The following HSPA12A variants were observed in gnomAD, a reference collection of about 807,000 sequenced individuals.
HSPA12A encodes the protein heat shock protein family A (Hsp70) member 12A.
In HSPA12A, 28 loss-of-function variants were observed where a neutral mutation model predicts 69.2. The ratio of observed to expected loss-of-function variants is 0.40; its 90% CI spans 0.30 to 0.55. The LOEUF is 0.55. HSPA12A is among the 20% of genes least tolerant of loss of function. The pLI, the probability that HSPA12A is intolerant of heterozygous loss-of-function variation, is 0.38. For synonymous variants in HSPA12A, 345 were observed against 370.5 expected, an observed-to-expected ratio of 0.93 and a Z score of 0.79; for missense variants, 686 against 900.7, an observed-to-expected ratio of 0.76 and a Z score of 3.05.
At chr10:116,766,015 T>A (rs1638410) in intron 2 of HSPA12A, among the ~76,000 whole-genome samples, 1 of 152,062 alleles carries the variant, frequency 6.6e-6, no homozygotes, top group Non-Finnish European at 1.5e-5. Flanking sequence ...CCACCCTTCA[T>A]GCAACCAGGT....
At chr10:116,683,033 AC>A (rs1849467286) in intron 7 of HSPA12A, among the ~76,000 whole-genome samples, 1 of 151,514 alleles carries the variant, frequency 6.6e-6, no homozygotes, top group East Asian at 1.9e-4. Context: ...CCTGAAATTA[AC>A]CCTTAGACCT....
chr10:116,809,986 G>A (rs1000404077), intron 2 of HSPA12A, among the ~76,000 whole-genome samples: 14 of 152,164 alleles, frequency 9.2e-5, no homozygotes, highest in African/African-American at 3.1e-4. Context: ...TTTATGCAAG[G>A]CTATGTGGAC....
At chr10:116,712,270 G>A (rs1187163674) in intron 1 of HSPA12A, among the ~76,000 whole-genome samples, 1 of 152,052 alleles carries the variant, frequency 6.6e-6, no homozygotes, top group African/African-American at 2.4e-5. Flanking sequence ...CACAATCCTG[G>A]AACACCCCAC....
chr10:116,772,722 T>A (rs2133120375), intron 2 of HSPA12A, among the ~76,000 whole-genome samples: 1 of 152,144 alleles, frequency 6.6e-6, no homozygotes, highest in East Asian at 1.9e-4. Flanking sequence ...AGACAGGGTC[T>A]CCCTCTCTAT....
chr10:116,757,338 G>A (rs1554888870), intron 2 of HSPA12A, among the ~76,000 whole-genome samples: 2 of 152,192 alleles, frequency 1.3e-5, no homozygotes, highest in Admixed American at 1.3e-4. Context: ...CGCATGGGCT[G>A]ACCCCTCCAG....
intron 2 of HSPA12A, among the ~76,000 whole-genome samples, chr10:116,762,746 G>C (rs2133103921): frequency 6.6e-6 from 1 of 152,246 alleles, no homozygotes; most frequent in Middle Eastern, 3.4e-3. Flanking sequence ...ACTACGTCTG[G>C]CTGATTTTTG....
At chr10:116,755,453 A>G (rs1296102458) in intron 2 of HSPA12A, among the ~76,000 whole-genome samples, 2 of 151,758 alleles carry the variant, frequency 1.3e-5, no homozygotes, top group African/African-American at 4.8e-5. Flanking sequence ...CTCTACTAAA[A>G]ATACAAAAAC....
intron 2 of HSPA12A, among the ~76,000 whole-genome samples, chr10:116,820,056 T>A (rs1450029398): frequency 6.6e-6 from 1 of 152,136 alleles, no homozygotes; most frequent in Non-Finnish European, 1.5e-5. Context: ...ACTCCCAGGC[T>A]CAAGCAATTC....
intron 2 of HSPA12A, chr10:116,832,868 C>T (rs1260475626): frequency 6.6e-6 from 1 of 152,184 alleles, no homozygotes; most frequent in Non-Finnish European, 1.5e-5. Flanking sequence ...TCAATCTAAC[C>T]TTCCTTTGAT....
intron 2 of HSPA12A, among the ~76,000 whole-genome samples, chr10:116,766,359 T>C (rs993514390): frequency 1.3e-5 from 2 of 152,092 alleles, no homozygotes; most frequent in African/African-American, 4.8e-5. Context: ...GTGGTCGCCC[T>C]ACCTGGGAGC....
chr10:116,748,189 G>C (rs1701961155), intron 2 of HSPA12A, among the ~76,000 whole-genome samples: 1 of 152,172 alleles, frequency 6.6e-6, no homozygotes, highest in South Asian at 2.1e-4. Context: ...GCTTGTGCTA[G>C]CTGTGATTAC....
intron 2 of HSPA12A, among the ~76,000 whole-genome samples, chr10:116,793,832 G>A (rs1313347691): frequency 1.3e-5 from 2 of 151,852 alleles, no homozygotes; most frequent in Non-Finnish European, 2.9e-5. Context: ...AAGAAAAGGA[G>A]AGAAAAAGAA....
intron 1 of HSPA12A, among the ~76,000 whole-genome samples, chr10:116,726,115 C>T (rs1448873220): frequency 1.3e-5 from 2 of 151,782 alleles, no homozygotes; most frequent in African/African-American, 2.4e-5. Context: ...CCAATCCTAT[C>T]CTGCTGGCTG....
At chr10:116,776,082 G>GC (rs1378710973) in intron 2 of HSPA12A, among the ~76,000 whole-genome samples, 1 of 152,116 alleles carries the variant, frequency 6.6e-6, no homozygotes, top group East Asian at 1.9e-4. Context: ...TGAGCTGACT[G>GC]CCCCCCAGTA....
At chr10:116,817,006 A>G (rs1380308138) in intron 2 of HSPA12A, among the ~76,000 whole-genome samples, 1 of 152,198 alleles carries the variant, frequency 6.6e-6, no homozygotes, top group African/African-American at 2.4e-5. Context: ...GAATGTGGAA[A>G]CATGAAATCT....
chr10:116,792,259 CAAAAA>C (rs55642476), intron 2 of HSPA12A, among the ~76,000 whole-genome samples: 3 of 61,002 alleles, frequency 4.9e-5, no homozygotes, highest in East Asian at 5.0e-4. Flanking sequence ...AACTCGGTCT[CAAAAA>C]AAAAAAAAAA....
At chr10:116,691,503 C>G (rs1417326086) in intron 6 of HSPA12A, among the ~76,000 whole-genome samples, 4 of 152,132 alleles carry the variant, frequency 2.6e-5, no homozygotes, top group Admixed American at 6.5e-5. Context: ...GGTGACTTGC[C>G]ACACAACCCA....
chr10:116,844,667 A>C (rs1260325927), intron 1 of HSPA12A, among the ~76,000 whole-genome samples: 1 of 152,204 alleles, frequency 6.6e-6, no homozygotes, highest in Non-Finnish European at 1.5e-5. Context: ...TCCATGATTA[A>C]AGGGACCTGC....
At chr10:116,745,412 ACTC>A (rs1454585871), upstream of HSPA12A, among the ~76,000 whole-genome samples, 2 of 149,582 alleles carry the variant, frequency 1.3e-5, no homozygotes, top group East Asian at 3.9e-4. Context: ...CCCTCCAAAG[ACTC>A]CTCCTCACAG....
Sources: gnomAD v4.1 joint callset for allele counts (sites outside exome capture counted in the v4.1 genomes callset) on GRCh38, gnomAD v4.1.1 for gene constraint, MANE v1.5 for transcripts, NCBI Gene and HGNC (gene_info 2026-07-23, HGNC 2026-07-21) for gene names.